The following CSRNP3 variants were observed in gnomAD, a reference collection of about 807,000 sequenced individuals.
CSRNP3 encodes cysteine and serine rich nuclear protein 3, also known as cysteine/serine-rich nuclear protein 3.
A neutral mutation model predicts 48.0 loss-of-function variants in CSRNP3; 12 were observed. That is an observed-to-expected ratio of 0.25 (90% CI 0.16 to 0.41). CSRNP3 has a LOEUF of 0.41. CSRNP3 is among the 10% of genes least tolerant of loss of function. The probability of loss-of-function intolerance (pLI) is 1.00; values close to 1 mark genes in which losing one functional copy is unlikely to be tolerated. For missense variants in CSRNP3, 580 were observed against 724.4 expected (o/e 0.80, Z 2.29); for synonymous variants, 263 against 269.7 (o/e 0.98, Z 0.24).
At chr2:165,484,130 C>T (rs1314198481) in intron 1 of CSRNP3, among the ~76,000 whole-genome samples, 1 of 152,058 alleles carries the variant, frequency 6.6e-6, no homozygotes, top group Non-Finnish European at 1.5e-5. Flanking sequence ...ATTTTTGAGA[C>T]AGAGTCCCAC....
intron 3 of CSRNP3, among the ~76,000 whole-genome samples, chr2:165,575,036 T>C (rs559373957): frequency 6.6e-6 from 1 of 152,364 alleles, no homozygotes; most frequent in South Asian, 2.1e-4. Flanking sequence ...TTATAAATTC[T>C]CTTTGGGACT....
intron 2 of CSRNP3, among the ~76,000 whole-genome samples, chr2:165,512,874 G>A (rs1256834356): frequency 6.6e-6 from 1 of 152,230 alleles, no homozygotes; most frequent in Non-Finnish European, 1.5e-5. Context: ...GGAGGCCAAG[G>A]AGGGAGGATC....
intron 3 of CSRNP3, among the ~76,000 whole-genome samples, chr2:165,582,751 AT>A (rs1159336034): frequency 6.6e-6 from 1 of 152,192 alleles, no homozygotes; most frequent in Non-Finnish European, 1.5e-5. Context: ...TCCATAATAA[AT>A]GGCATGCATT....
intron 6 of CSRNP3, 73 bp from the exon 7 acceptor site, chr2:165,678,628 T>A: frequency 6.6e-7 from 1 of 1,516,600 alleles, no homozygotes; most frequent in Non-Finnish European, 8.9e-7. Context: ...TTCAAAGAAG[T>A]TACTGAAAAG....
At chr2:165,556,869 T>C (rs1336660695) in intron 3 of CSRNP3, among the ~76,000 whole-genome samples, 1 of 152,152 alleles carries the variant, frequency 6.6e-6, no homozygotes, top group African/African-American at 2.4e-5. Flanking sequence ...TCTGAACTAA[T>C]AGTTAGCCTG....
At chr2:165,515,524 T>C (rs1684567160) in intron 2 of CSRNP3, among the ~76,000 whole-genome samples, 1 of 151,680 alleles carries the variant, frequency 6.6e-6, no homozygotes, top group Non-Finnish European at 1.5e-5. Context: ...TCTTTAGATT[T>C]AGTTACAGAT....
At chr2:165,505,939 C>A (rs1466504692) in intron 2 of CSRNP3, among the ~76,000 whole-genome samples, 3 of 152,038 alleles carry the variant, frequency 2.0e-5, no homozygotes, top group Admixed American at 2.0e-4. Context: ...GTGACGAAAG[C>A]CCTATACTAT....
At chr2:165,575,440 T>C (rs1355142740) in intron 3 of CSRNP3, among the ~76,000 whole-genome samples, 1 of 152,154 alleles carries the variant, frequency 6.6e-6, no homozygotes, top group Non-Finnish European at 1.5e-5. Flanking sequence ...TGTATGTGTA[T>C]GAAAATATGT....
intron 3 of CSRNP3, among the ~76,000 whole-genome samples, chr2:165,554,176 GC>G (rs1685134836): frequency 6.6e-6 from 1 of 152,082 alleles, no homozygotes; most frequent in South Asian, 2.1e-4. Context: ...GCTCTTTGCT[GC>G]CAGGAAACCA....
intron 5 of CSRNP3, among the ~76,000 whole-genome samples, chr2:165,660,688 G>GA (rs1252895979): frequency 6.6e-6 from 1 of 152,140 alleles, no homozygotes; most frequent in African/African-American, 2.4e-5. Context: ...AGCTGAATGA[G>GA]AAAAGAAGGA....
chr2:165,658,385 A>G (rs946575636), intron 5 of CSRNP3, among the ~76,000 whole-genome samples: 1 of 152,222 alleles, frequency 6.6e-6, no homozygotes, highest in Non-Finnish European at 1.5e-5. Flanking sequence ...TAAAAGCACA[A>G]CTTCATTGAG....
At position 165,680,744 on chromosome 2, in the gene CSRNP3, A is replaced by G. The variant is rs1558973818; in HGVS notation, c.*991A>G. On this transcript the variant is annotated 3_prime_UTR_variant, in exon 7 of 7. Coordinates refer to ENST00000651982, the MANE Select transcript of CSRNP3 (RefSeq NM_001172173.2). Reference sequence around the variant, plus strand: ...CTATTATAAGGTTCATATAATTAATATAGAGGAATCATCCAATGATACTTA... The same window carrying G: ...CTATTATAAGGTTCATATAATTAATGTAGAGGAATCATCCAATGATACTTA... 1 of 152,216 alleles carries G rather than the reference A, an allele frequency of 6.6e-6. No individual in the cohort carries two copies. The highest frequency in any genetic ancestry group is 1.5e-5 in the Non-Finnish European group (1 of 68,028). The allele number at this position is 152,216 out of a possible 1,614,324, so 9.4% of individuals were successfully genotyped here. A position where few individuals can be genotyped will look rare whatever the true frequency, so the allele number is the denominator to read the frequency against.
intron 5 of CSRNP3, among the ~76,000 whole-genome samples, chr2:165,674,681 AAT>A (rs59117817): frequency 0.24 from 24,510 of 102,992 alleles, 2,485 homozygotes; most frequent in Middle Eastern, 0.3. Context: ...AATACTTCTG[AAT>A]ATATATATAT....
At chr2:165,547,220 A>G (rs931075786) in intron 3 of CSRNP3, among the ~76,000 whole-genome samples, 1 of 152,326 alleles carries the variant, frequency 6.6e-6, no homozygotes. Flanking sequence ...ATTTCCATAA[A>G]GAAGGACACT....
chr2:165,518,121 G>T (rs1045548928), intron 3 of CSRNP3, among the ~76,000 whole-genome samples, 160 bp downstream of exon 3: 4 of 151,836 alleles, frequency 2.6e-5, no homozygotes, highest in Non-Finnish European at 5.9e-5. Flanking sequence ...ATTTATATCA[G>T]ACATACAGTA....
At chr2:165,574,824 T>C (rs1685422827) in intron 3 of CSRNP3, among the ~76,000 whole-genome samples, 1 of 152,168 alleles carries the variant, frequency 6.6e-6, no homozygotes, top group Admixed American at 6.5e-5. Flanking sequence ...GTGATGTATC[T>C]GGTATTAAAT....
chr2:165,586,856 G>A (rs373928661), intron 3 of CSRNP3, among the ~76,000 whole-genome samples: 6 of 152,234 alleles, frequency 3.9e-5, no homozygotes, highest in African/African-American at 1.4e-4. Flanking sequence ...TCTTCCACAG[G>A]CATTAAAATG....
chr2:165,546,517 C>T (rs969470325), intron 3 of CSRNP3, among the ~76,000 whole-genome samples: 2 of 152,144 alleles, frequency 1.3e-5, no homozygotes, highest in Non-Finnish European at 2.9e-5. Context: ...CGCTGGTACT[C>T]TGCATACAAA....
chr2:165,562,056 T>G (rs980853303), intron 3 of CSRNP3, among the ~76,000 whole-genome samples: 1 of 152,148 alleles, frequency 6.6e-6, no homozygotes, highest in African/African-American at 2.4e-5. Context: ...AGAAGTAGTA[T>G]TATGTATTTG....
Sources: gnomAD v4.1 joint callset for allele counts (sites outside exome capture counted in the v4.1 genomes callset) on GRCh38, gnomAD v4.1.1 for gene constraint, MANE v1.5 for transcripts, NCBI Gene and HGNC (gene_info 2026-07-23, HGNC 2026-07-21) for gene names.